The following LYST variants were observed in gnomAD, a reference collection of about 807,000 sequenced individuals.
The protein encoded by LYST is lysosomal-trafficking regulator.
In LYST, 192 loss-of-function variants were observed where a neutral mutation model predicts 413.6. The observed-to-expected ratio is 0.46, with a 90% CI of 0.41 to 0.52. The LOEUF is 0.52. Among genes scored for constraint, LYST ranks in the 20% least tolerant of loss-of-function variants. The pLI, the probability that LYST is intolerant of heterozygous loss-of-function variation, is 0.00. For synonymous variants in LYST, 1,525 were observed against 1,567.3 expected, an observed-to-expected ratio of 0.97 and a Z score of 0.64; for missense variants, 3,815 against 4,499.9, an observed-to-expected ratio of 0.85 and a Z score of 4.35.
Position 235,662,687 on chromosome 1 carries a change from A to G in LYST, c.*253T>C. 1 of 516,308 alleles carries G rather than the reference A, an allele frequency of 1.9e-6. No individual in the cohort carries two copies. The highest frequency in any genetic ancestry group is 3.5e-6 in the Non-Finnish European group (1 of 284,832). 32.0% of individuals were successfully genotyped at this position (516,308 alleles called of 1,614,324 possible). A position where few individuals can be genotyped will look rare whatever the true frequency, so the allele number is the denominator to read the frequency against. On this transcript the variant is annotated 3_prime_UTR_variant, in exon 53 of 53. Transcript: ENST00000389793. ...AATTTTAAGAATATCATTTTAATGT[A>G]CCATGCGAGGCTTAAAACTTGTTGG...
chr1:235,747,264 T>C (rs146691144), intron 28 of LYST: 159 of 453,806 alleles, frequency 3.5e-4, no homozygotes, highest in African/African-American at 2.7e-3. Context: ...GCATCGGAAG[T>C]TGACCATAGG....
chr1:235,749,538 C>T (rs997690579), intron 28 of LYST, among the ~76,000 whole-genome samples: 2 of 152,022 alleles, frequency 1.3e-5, no homozygotes, highest in Non-Finnish European at 2.9e-5. Context: ...TGCCAGCAGT[C>T]CCCAGTTCTA....
chr1:235,868,819 C>T (rs1251504287), upstream of LYST, among the ~76,000 whole-genome samples: 1 of 152,102 alleles, frequency 6.6e-6, no homozygotes, highest in African/African-American at 2.4e-5. Flanking sequence ...CCTCAGCCTC[C>T]CAAGTAGCTG....
In LYST at chr1:235,809,625, G is replaced by C. The variant is rs773646216; in HGVS notation, c.1193C>G (p.Ala398Gly). ...TTCCAAAAGCTCAGGTAAAAGAAGGGCTCTATGACGATACTTTGAAAACAC... is the reference window on the plus strand; with the variant it reads ...TTCCAAAAGCTCAGGTAAAAGAAGGCCTCTATGACGATACTTTGAAAACAC... ...DFVFSKYRHR[A>G]LLLPELLEGV... The change falls in exon 5 of 53, where the codon GCC becomes GGC. Residue 398 changes from alanine to glycine, a missense_variant. Physicochemically the swap from Ala to Gly is moderately conservative, Grantham distance 60 (BLOSUM62 0). Around this residue, in one of 4 missense-constraint regions of LYST, gnomAD observed 1,648 missense variants for 1,810.3 expected, o/e 0.91. Coordinates refer to ENST00000389793, the MANE Select transcript of LYST (RefSeq NM_000081.4). This position sits in a 1 kb window ranked among gnomAD's most constrained non-coding sequence, Gnocchi z 4.0. 6.2e-7 allele frequency: 1 copy of C among 1,613,994 alleles called. No individual in the cohort carries two copies. Among genetic ancestry groups the C allele is most frequent in the Non-Finnish European group, 8.5e-7 (1 of 1,179,926 alleles).
At chr1:235,734,895 A>ATT (rs1374348429) in intron 31 of LYST, 7 of 319,344 alleles carry the variant, frequency 2.2e-5, no homozygotes, top group Middle Eastern at 9.2e-4. Flanking sequence ...ACATAGGAAA[A>ATT]CATTTAAAAA....
At chr1:235,709,512 C>T (rs989792847) in intron 43 of LYST, among the ~76,000 whole-genome samples, 6 of 141,594 alleles carry the variant, frequency 4.2e-5, no homozygotes, top group Admixed American at 4.0e-4. Context: ...TGAGCTAATG[C>T]TATCATAATT....
chr1:235,781,390 T>G (rs1239911142), intron 15 of LYST, among the ~76,000 whole-genome samples: 1 of 152,114 alleles, frequency 6.6e-6, no homozygotes, highest in African/African-American at 2.4e-5. Context: ...CTTGGTAAAC[T>G]CCATTTCTAA....
intron 46 of LYST, among the ~76,000 whole-genome samples, chr1:235,694,887 T>C (rs1225613762): frequency 2.6e-5 from 4 of 152,172 alleles, no homozygotes; most frequent in Non-Finnish European, 5.9e-5. Flanking sequence ...ATTAGGACAG[T>C]ATATCTTAAA....
Position 235,720,671 on chromosome 1 carries a change from A to G in LYST, c.9550T>C (p.Leu3184=). The G allele has an allele frequency of 6.2e-7, 1 of 1,613,784 alleles. No individual in the cohort carries two copies. Among genetic ancestry groups the G allele is most frequent in the South Asian group, 1.1e-5 (1 of 91,074 alleles). ...VSETLDLNDL[L]IYRNLSKPIA... is the part of the protein sequence containing the mutation. Reference sequence around the variant, plus strand: ...ATTCTTTTAACTTACCTGTATATCAACAGATCATTGAGGTCAAGTGTCTCA... The same window carrying G: ...ATTCTTTTAACTTACCTGTATATCAGCAGATCATTGAGGTCAAGTGTCTCA... Residue 3184 remains leucine, a synonymous_variant, in exon 40 of 53, where the codon TTG becomes CTG. Transcript: ENST00000389793.
chr1:235,729,535 T>C, intron 37 of LYST, 61 bp downstream of exon 37: 3 of 1,111,142 alleles, frequency 2.7e-6, no homozygotes, highest in Non-Finnish European at 4.1e-6. Context: ...ACACTTTAAA[T>C]AATCTAAGAA....
At chr1:235,731,651 C>G (rs1383523124) in intron 34 of LYST, among the ~76,000 whole-genome samples, 1 of 151,088 alleles carries the variant, frequency 6.6e-6, no homozygotes, top group African/African-American at 2.4e-5. Flanking sequence ...TTCTGCCTCC[C>G]GGGCTCAAGC....
At chr1:235,802,219 A>AGG (rs1558267141) in intron 8 of LYST, among the ~76,000 whole-genome samples, 3 of 149,132 alleles carry the variant, frequency 2.0e-5, no homozygotes, top group African/African-American at 7.6e-5. Context: ...AAAAAAAAAA[A>AGG]ACTAGCAGTA....
At position 235,758,515 on chromosome 1, in the gene LYST, C is replaced by T. The variant is rs534351208; in HGVS notation, c.6881+457G>A. On this transcript the variant is annotated intron_variant, in intron 23 of 52. Coordinates refer to ENST00000389793, the MANE Select transcript of LYST (RefSeq NM_000081.4). ...TTACCTGAGTGGAATGGAGCAGCCA[C>T]CCTATGACACCTGTTCCTCTTCCCT... 3.9e-5 allele frequency among the ~76,000 whole-genome samples: 6 copies of T among 152,308 alleles called. No individual in the cohort carries two copies. The South Asian group carries it at 1.0e-3, about 26-fold the overall frequency.
chr1:235,706,596 CTTTG>C (rs748282945), intron 44 of LYST, among the ~76,000 whole-genome samples: 6 of 151,952 alleles, frequency 3.9e-5, no homozygotes, highest in Non-Finnish European at 8.8e-5. Flanking sequence ...TTTTGTTTTT[CTTTG>C]TTTTTGTTAT....
At chr1:235,803,469 C>A (rs887264303) in intron 7 of LYST, among the ~76,000 whole-genome samples, 8 of 151,726 alleles carry the variant, frequency 5.3e-5, no homozygotes, top group African/African-American at 1.9e-4. Flanking sequence ...TTTATAAATG[C>A]CTTATAAGTT....
Position 235,774,972 on chromosome 1 carries a change from A to T in LYST, c.5575T>A (p.Ser1859Thr), listed in dbSNP as rs370292911. 1 of 1,611,016 alleles carries T rather than the reference A, an allele frequency of 6.2e-7. No homozygotes were observed. Residue 1859 changes from serine (S) to threonine (T), a missense_variant, in exon 18 of 53, where the codon TCT (serine) becomes ACT (threonine). This residue lies in a region of LYST where 530 missense variants were observed against 696.5 expected (regional missense o/e 0.76). Coordinates refer to ENST00000389793, the MANE Select transcript of LYST (RefSeq NM_000081.4). Reference protein sequence around the residue: ...VHELENCNGLSMIHQVLIKQK... With the variant: ...VHELENCNGLTMIHQVLIKQK... ...TTGATCAACACCTGATGAATCATAG[A>T]AAGTCCATTACAATTTTCTAATTCA...
At chr1:235,830,535 C>G in intron 2 of LYST, 111 bp from the exon 3 acceptor site, 3 of 856,374 alleles carry the variant, frequency 3.5e-6, no homozygotes, top group Non-Finnish European at 5.5e-6. Flanking sequence ...CTTAAAATTA[C>G]TGGAAATTGG....
chr1:235,754,064 C>T (rs1170853452), intron 25 of LYST, among the ~76,000 whole-genome samples: 2 of 151,910 alleles, frequency 1.3e-5, no homozygotes, highest in Non-Finnish European at 2.9e-5. Flanking sequence ...CAGCATTCTA[C>T]CAGGGTCAAA....
At chr1:235,701,055 G>A (rs1400763334) in intron 45 of LYST, among the ~76,000 whole-genome samples, 1 of 152,110 alleles carries the variant, frequency 6.6e-6, no homozygotes, top group Non-Finnish European at 1.5e-5. Context: ...TTAAATGGGG[G>A]TCAGGGAAGA....
Sources: allele counts gnomAD v4.1 joint callset (sites outside exome capture counted in the v4.1 genomes callset), GRCh38; gene constraint gnomAD v4.1.1; regional missense constraint gnomAD v4.1.1; non-coding constraint Gnocchi (gnomAD v3.1); transcripts MANE v1.5; gene names NCBI Gene and HGNC (gene_info 2026-07-23, HGNC 2026-07-21).